Variants in ETS1 observed in about 807,000 individuals in gnomAD.
The protein encoded by ETS1 is protein C-ets-1.
ETS1 carries 15 observed loss-of-function variants against 58.6 expected under a neutral mutation model. That is an observed-to-expected ratio of 0.26 (90% CI 0.17 to 0.39). ETS1 has a LOEUF of 0.39. ETS1 is among the 10% of genes least tolerant of loss of function. ETS1 has a pLI of 1.00. For synonymous variants in ETS1, 214 were observed against 218.2 expected, an observed-to-expected ratio of 0.98 and a Z score of 0.17; for missense variants, 417 against 610.5, an observed-to-expected ratio of 0.68 and a Z score of 3.34.
At position 128,464,615 on chromosome 11, in the gene ETS1, G is replaced by A. The variant is rs758122180; in HGVS notation, c.1124-988C>T. ...ATAACATAAACAAACTGGGCAGAGC[G>A]GGACTGGGAAAGACCCAGTCCATGT... On this transcript the variant is annotated intron_variant, in intron 8 of 9. Transcript: ENST00000392668. The surrounding 1 kb of genome is among the most constrained non-coding windows in gnomAD (Gnocchi z 4.1). Among the ~76,000 whole-genome samples, 22 of 152,060 alleles carry A rather than the reference G, an allele frequency of 1.4e-4. No individual in the cohort carries two copies. Among genetic ancestry groups the A allele is most frequent in the Non-Finnish European group, 2.4e-4 (16 of 68,014 alleles).
chr11:128,515,892 A>T (rs985175672), intron 3 of ETS1, among the ~76,000 whole-genome samples: 2 of 152,338 alleles, frequency 1.3e-5, no homozygotes, highest in Admixed American at 1.3e-4. Flanking sequence ...CCACATTTGA[A>T]GTGTCAAGTG....
chr11:128,498,710 A>G (rs948685577), intron 3 of ETS1, among the ~76,000 whole-genome samples: 38 of 152,220 alleles, frequency 2.5e-4, no homozygotes, highest in African/African-American at 8.0e-4. Flanking sequence ...CTCTAAATTA[A>G]CGACACTCAA....
intron 3 of ETS1, among the ~76,000 whole-genome samples, chr11:128,540,787 TTTCA>T (rs1359262871): frequency 1.4e-4 from 22 of 152,204 alleles, no homozygotes; most frequent in Non-Finnish European, 2.2e-4. Flanking sequence ...GAATGGGATA[TTTCA>T]TTCAGATTGG....
At chr11:128,470,553 G>A (rs1299018192) in intron 8 of ETS1, among the ~76,000 whole-genome samples, 1 of 152,116 alleles carries the variant, frequency 6.6e-6, no homozygotes, top group Non-Finnish European at 1.5e-5. Context: ...TATAGACAGA[G>A]AGAGAGAAAG....
intron 3 of ETS1, among the ~76,000 whole-genome samples, chr11:128,535,145 T>C (rs879495900): frequency 2.6e-5 from 4 of 152,228 alleles, no homozygotes; most frequent in Non-Finnish European, 4.4e-5. Context: ...TGGTATCTCA[T>C]TGTGGTTTTG....
At chr11:128,533,423 C>A (rs964922545) in intron 3 of ETS1, among the ~76,000 whole-genome samples, 1 of 152,192 alleles carries the variant, frequency 6.6e-6, no homozygotes, top group African/African-American at 2.4e-5. Context: ...CTTAGATACT[C>A]CTCACCGCCA....
intron 3 of ETS1, among the ~76,000 whole-genome samples, chr11:128,506,633 T>C (rs183145355): frequency 7.0e-4 from 106 of 152,054 alleles, no homozygotes; most frequent in Non-Finnish European, 1.4e-3. Flanking sequence ...CCCCTGGCAG[T>C]TGGTGGCATT....
chr11:128,510,447 C>T (rs979112245), intron 3 of ETS1, among the ~76,000 whole-genome samples: 1 of 152,200 alleles, frequency 6.6e-6, no homozygotes, highest in Non-Finnish European at 1.5e-5. Context: ...ACCTATGCCA[C>T]CCTGCCCAGT....
intron 2 of ETS1, among the ~76,000 whole-genome samples, chr11:128,559,308 G>A (rs1238152591): frequency 3.3e-5 from 5 of 152,350 alleles, no homozygotes; most frequent in Non-Finnish European, 4.4e-5. Context: ...GTAGATAATC[G>A]GTAAGTAGGT....
chr11:128,471,628 G>A (rs1002631717), intron 8 of ETS1, among the ~76,000 whole-genome samples: 1 of 152,170 alleles, frequency 6.6e-6, no homozygotes, highest in African/African-American at 2.4e-5. Flanking sequence ...CTAGGTAACC[G>A]GTTCTTTTAA....
chr11:128,585,315 A>AG (rs1555093277), intron 1 of ETS1, among the ~76,000 whole-genome samples: 38 of 136,470 alleles, frequency 2.8e-4, no homozygotes, highest in African/African-American at 1.0e-3. Flanking sequence ...AAGGGAGGGA[A>AG]GAAGGAAGGA....
At chr11:128,492,744 A>G (rs1862835465) in intron 3 of ETS1, among the ~76,000 whole-genome samples, 1 of 152,198 alleles carries the variant, frequency 6.6e-6, no homozygotes, top group African/African-American at 2.4e-5. Context: ...CACCTCCAAG[A>G]ACAGCTAAGC....
chr11:128,473,496 C>G (rs573716161), intron 8 of ETS1, among the ~76,000 whole-genome samples: 1 of 152,240 alleles, frequency 6.6e-6, no homozygotes, highest in South Asian at 2.1e-4. Context: ...GAGATGTTAG[C>G]TTGCCAAAGG....
At position 128,462,333 on chromosome 11, in the gene ETS1, C is replaced by G. The variant is rs1330930678; in HGVS notation, c.*28G>C. 1 of 1,566,648 alleles carries G rather than the reference C, an allele frequency of 6.4e-7. No individual in the cohort carries two copies. The highest frequency in any genetic ancestry group is 1.1e-5 in the South Asian group (1 of 90,134). On this transcript the variant is annotated 3_prime_UTR_variant, in exon 10 of 10. Transcript: ENST00000392668. ...CACGGCTGTCCTTGGAAGGTCTCAGCAGGGTTTCCCCAGCCCCTTCAGTGC... is the reference window on the plus strand; with the variant it reads ...CACGGCTGTCCTTGGAAGGTCTCAGGAGGGTTTCCCCAGCCCCTTCAGTGC...
intron 3 of ETS1, among the ~76,000 whole-genome samples, chr11:128,517,114 C>T (rs1384912447): frequency 6.6e-6 from 1 of 152,156 alleles, no homozygotes; most frequent in Admixed American, 6.5e-5. Flanking sequence ...ATCTGGACTG[C>T]CAGGCCTGGG....
chr11:128,502,864 C>T (rs1338591078), intron 3 of ETS1, among the ~76,000 whole-genome samples: 6 of 152,186 alleles, frequency 3.9e-5, no homozygotes, highest in Non-Finnish European at 8.8e-5. Flanking sequence ...AGGCACAGGC[C>T]GTGAGCCCCT....
chr11:128,483,004 A>T (rs569115511), intron 7 of ETS1, among the ~76,000 whole-genome samples: 1 of 152,354 alleles, frequency 6.6e-6, no homozygotes, highest in Non-Finnish European at 1.5e-5. Context: ...TATAAATAAC[A>T]ATCAGCTAAC....
chr11:128,481,610 C>T (rs893260341), intron 7 of ETS1, among the ~76,000 whole-genome samples: 8 of 152,142 alleles, frequency 5.3e-5, no homozygotes, highest in Non-Finnish European at 7.4e-5. Flanking sequence ...CAAATGTTTA[C>T]GGAGAAATAT....
intron 3 of ETS1, among the ~76,000 whole-genome samples, chr11:128,539,616 G>A (rs142052365): frequency 8.7e-4 from 133 of 152,206 alleles, no homozygotes; most frequent in East Asian, 6.4e-3. Flanking sequence ...GTTACCATAC[G>A]ACCCAGAAAT....
Sources: allele counts gnomAD v4.1 joint callset (sites outside exome capture counted in the v4.1 genomes callset), GRCh38; gene constraint gnomAD v4.1.1; non-coding constraint Gnocchi (gnomAD v3.1); transcripts MANE v1.5; gene names NCBI Gene and HGNC (gene_info 2026-07-23, HGNC 2026-07-21).